The following APBB2 variants were observed in gnomAD, a reference collection of about 807,000 sequenced individuals.
The protein encoded by APBB2 is amyloid beta precursor protein binding family B member 2.
Under a neutral mutation model 82.5 loss-of-function variants are expected in APBB2, and 38 were observed. The ratio of observed to expected loss-of-function variants is 0.46; its 90% CI spans 0.36 to 0.60. The LOEUF is 0.60. APBB2 is among the 20% of genes least tolerant of loss of function. APBB2 has a pLI of 0.00. For missense variants in APBB2, 772 were observed against 972.3 expected (o/e 0.79, Z 2.74); for synonymous variants, 341 against 368.2 (o/e 0.93, Z 0.85).
intron 1 of APBB2, among the ~76,000 whole-genome samples, chr4:41,165,722 G>A (rs1327569637): frequency 2.0e-5 from 3 of 151,922 alleles, no homozygotes; most frequent in Admixed American, 6.6e-5. Context: ...GGGAGTTTTC[G>A]GCCACTTTTA....
intron 1 of APBB2, among the ~76,000 whole-genome samples, chr4:41,147,959 A>C (rs1367481478): frequency 1.3e-5 from 2 of 152,228 alleles, no homozygotes; most frequent in Admixed American, 6.5e-5. Flanking sequence ...CTTACTTAAA[A>C]AAAAGTATTG....
chr4:40,903,255 G>C (rs1396595341), intron 10 of APBB2, among the ~76,000 whole-genome samples: 4 of 136,356 alleles, frequency 2.9e-5, no homozygotes, highest in Non-Finnish European at 6.2e-5. Context: ...GAGGTCAGAA[G>C]TTCAAGACCA....
chr4:41,082,755 T>C (rs1045209896), intron 3 of APBB2, among the ~76,000 whole-genome samples: 4 of 152,080 alleles, frequency 2.6e-5, no homozygotes, highest in Non-Finnish European at 4.4e-5. Context: ...AAAAGAGTTG[T>C]TCACTGAAGC....
intron 12 of APBB2, chr4:40,881,385 T>G (rs937498575): frequency 1.6e-5 from 16 of 985,006 alleles, no homozygotes; most frequent in African/African-American, 3.5e-5. Context: ...AAACTCTACT[T>G]CTTCCAGACT....
chr4:41,118,555 C>T (rs981918297), intron 2 of APBB2, among the ~76,000 whole-genome samples: 3 of 152,078 alleles, frequency 2.0e-5, no homozygotes, highest in Admixed American at 1.3e-4. Context: ...GTGTCTGTGA[C>T]GCTTGTTATC....
At chr4:40,991,011 A>ATTTTTTTTTTTTTTT (rs796337000) in intron 6 of APBB2, among the ~76,000 whole-genome samples, 1 of 134,794 alleles carries the variant, frequency 7.4e-6, no homozygotes, top group African/African-American at 2.7e-5. Context: ...ACTGAGTTTC[A>ATTTTTTTTTTTTTTT]TTTTTTTTTT....
chr4:41,169,687 G>A (rs981056775), intron 1 of APBB2, among the ~76,000 whole-genome samples: 2 of 152,164 alleles, frequency 1.3e-5, no homozygotes, highest in East Asian at 1.9e-4. Flanking sequence ...TGGTAAAATC[G>A]TTCTTCTAAA....
At position 40,812,276 on chromosome 4, in the gene APBB2, T is replaced by C. The variant is rs1744566024; in HGVS notation, c.*3816A>G. On this transcript the variant is annotated 3_prime_UTR_variant, in exon 18 of 18. Coordinates refer to ENST00000508593, the MANE Select transcript of APBB2 (RefSeq NM_004307.2). ...TATTTCTATTCCTTGTATATGTGAC[T>C]AAGATGTCAGATAAATGAGCCGAAC... The C allele has an allele frequency of 6.6e-6, 1 of 152,258 alleles. No homozygotes were observed. 9.4% of individuals were successfully genotyped at this position (152,258 alleles called of 1,614,324 possible).
At chr4:41,011,117 A>G (rs1808229732) in intron 6 of APBB2, among the ~76,000 whole-genome samples, 1 of 150,814 alleles carries the variant, frequency 6.6e-6, no homozygotes, top group Non-Finnish European at 1.5e-5. Flanking sequence ...TCATCACAAC[A>G]TTTGGGTAAA....
At chr4:41,027,265 A>C in intron 5 of APBB2, among the ~76,000 whole-genome samples, 1 of 151,128 alleles carries the variant, frequency 6.6e-6, no homozygotes, top group East Asian at 1.9e-4. Context: ...ACACATTTTC[A>C]ATTGTCTTGG....
intron 1 of APBB2, among the ~76,000 whole-genome samples, chr4:41,212,071 A>C (rs1779465910): frequency 6.6e-6 from 1 of 152,206 alleles, no homozygotes; most frequent in Admixed American, 6.5e-5. Context: ...CATTATTCTA[A>C]TATTATGACA....
chr4:40,966,634 G>A (rs28452604), intron 6 of APBB2, among the ~76,000 whole-genome samples: 1,921 of 152,314 alleles, frequency 0.013, 43 homozygotes, highest in African/African-American at 0.043. Context: ...GGCTGAGCCT[G>A]GGCACTGTCA....
At chr4:40,988,497 G>A (rs902512266) in intron 6 of APBB2, among the ~76,000 whole-genome samples, 21 of 151,676 alleles carry the variant, frequency 1.4e-4, no homozygotes, top group Non-Finnish European at 2.7e-4. Flanking sequence ...AATTAGCCAG[G>A]CATGGTGGTG....
intron 10 of APBB2, among the ~76,000 whole-genome samples, chr4:40,908,961 C>G (rs572303227): frequency 8.5e-5 from 13 of 152,326 alleles, no homozygotes; most frequent in Admixed American, 8.5e-4. Context: ...TGCCTGCTAG[C>G]TGCGTCCTCC....
intron 10 of APBB2, among the ~76,000 whole-genome samples, chr4:40,911,769 A>G (rs1351121083): frequency 8.0e-6 from 1 of 124,826 alleles, no homozygotes; most frequent in African/African-American, 3.1e-5. Flanking sequence ...GTCCCAGACC[A>G]ACACCTAGGG....
At chr4:41,165,664 G>A (rs1195682990) in intron 1 of APBB2, among the ~76,000 whole-genome samples, 1 of 152,102 alleles carries the variant, frequency 6.6e-6, no homozygotes, top group Admixed American at 6.5e-5. Context: ...GAGACAAGAC[G>A]TCAATTTATA....
Position 40,814,206 on chromosome 4 carries a change from G to A in APBB2, c.*1886C>T, listed in dbSNP as rs1273156736. 1 of 152,178 alleles carries A rather than the reference G, an allele frequency of 6.6e-6. No individual in the cohort carries two copies. The highest frequency in any genetic ancestry group is 2.4e-5 in the African/African-American group (1 of 41,448). 9.4% of individuals were successfully genotyped at this position (152,178 alleles called of 1,614,324 possible). A position where few individuals can be genotyped will look rare whatever the true frequency, so the allele number is the denominator to read the frequency against. On this transcript the variant is annotated 3_prime_UTR_variant, in exon 18 of 18. Transcript: ENST00000508593. ...GAATCCTGCCCTCTACAACACTTTT[G>A]AGGCACGCTGTAGGAAAACAGTCCT... is the stretch of plus-strand genomic sequence containing the variant.
chr4:41,068,512 G>T (rs1467492670), intron 3 of APBB2, among the ~76,000 whole-genome samples: 1 of 152,156 alleles, frequency 6.6e-6, no homozygotes, highest in Non-Finnish European at 1.5e-5. Context: ...TGAGGACATG[G>T]ATCTTGAAAT....
At chr4:40,914,840 G>A (rs527851327) in intron 10 of APBB2, among the ~76,000 whole-genome samples, 20 of 152,236 alleles carry the variant, frequency 1.3e-4, no homozygotes, top group African/African-American at 4.3e-4. Context: ...GTGGGGGGTG[G>A]TGCTTAATTA....
Sources: allele counts gnomAD v4.1 joint callset (sites outside exome capture counted in the v4.1 genomes callset), GRCh38; gene constraint gnomAD v4.1.1; transcripts MANE v1.5; gene names NCBI Gene and HGNC (gene_info 2026-07-23, HGNC 2026-07-21).